HEPH: variants seen among roughly 807,000 people sequenced by gnomAD.
The protein encoded by HEPH is hephaestin.
Under a neutral mutation model 80.8 loss-of-function variants are expected in HEPH, and 69 were observed. The ratio of observed to expected loss-of-function variants is 0.85; its 90% CI spans 0.70 to 1.04. HEPH has a LOEUF of 1.04. HEPH is among the 50% of genes least tolerant of loss of function. The pLI is 0.00. For synonymous variants in HEPH, 431 were observed against 322.8 expected (o/e 1.34, Z -3.60); for missense variants, 1,115 against 891.3 (o/e 1.25, Z -3.20).
intron 15 of HEPH, among the ~76,000 whole-genome samples, chrX:66,233,552 GC>G (rs2090240939): frequency 1.8e-5 from 2 of 110,805 alleles, no homozygotes. Flanking sequence ...ATTTTCTTTT[GC>G]CCAATGTTAA....
rs1283958484 is a variant in HEPH, at chrX:66,170,551, T to A, written c.-13-7T>A. On this transcript the variant is annotated splice_polypyrimidine_tract_variant and splice_region_variant and intron_variant, in intron 1 of 20. Transcript: ENST00000343002. ...ACACCAGCAGTTTTTATTTGCCTGTTTCCCAGAGTAATGTGGGCCATGGAG... is the reference window on the plus strand; with the variant it reads ...ACACCAGCAGTTTTTATTTGCCTGTATCCCAGAGTAATGTGGGCCATGGAG... 3.3e-6 allele frequency: 4 copies of A among 1,202,627 alleles called. No individual in the cohort carries two copies. The highest frequency in any genetic ancestry group is 4.5e-6 in the Non-Finnish European group (4 of 889,445).
chrX:66,255,567 C>T (rs1202105830), intron 16 of HEPH, among the ~76,000 whole-genome samples: 2 of 111,799 alleles, frequency 1.8e-5, no homozygotes, highest in Non-Finnish European at 3.8e-5. Flanking sequence ...ATCTAGCCAT[C>T]CATCTACAGC....
At chrX:66,248,795 T>C (rs1232443429) in intron 15 of HEPH, among the ~76,000 whole-genome samples, 1 of 112,196 alleles carries the variant, frequency 8.9e-6, no homozygotes, top group African/African-American at 3.2e-5. Context: ...GTGTTTCAAT[T>C]GACAGTAATC....
At chrX:66,179,005 C>T (rs778156281) in intron 4 of HEPH, among the ~76,000 whole-genome samples, 6 of 111,837 alleles carry the variant, frequency 5.4e-5, no homozygotes, top group African/African-American at 1.9e-4. Context: ...GTGTTTTAGA[C>T]ATGAAGTCCT....
intron 13 of HEPH, 83 bp from the exon 14 acceptor site, chrX:66,207,112 C>A: frequency 2.5e-6 from 2 of 800,321 alleles, no homozygotes; most frequent in African/African-American, 2.3e-5. Context: ...GAAGCTGGTT[C>A]TGACTTAGCT....
chrX:66,188,289 G>A, intron 4 of HEPH, 70 bp from the exon 5 acceptor site: 1 of 799,390 alleles, frequency 1.3e-6, no homozygotes, highest in Non-Finnish European at 1.8e-6. Context: ...CCTTTCTTAT[G>A]AGTACCCCTT....
intron 15 of HEPH, among the ~76,000 whole-genome samples, chrX:66,217,664 A>T (rs1269426484): frequency 1.8e-5 from 2 of 111,880 alleles, no homozygotes; most frequent in Non-Finnish European, 1.9e-5. Flanking sequence ...CAGCACAATG[A>T]ATAGAACAAT....
chrX:66,268,705 C>T (rs1220366013), downstream of HEPH: 2 of 111,362 alleles, frequency 1.8e-5, no homozygotes, highest in Non-Finnish European at 3.8e-5. Flanking sequence ...TAATCCTGCT[C>T]CAGGTCAAGG....
At chrX:66,225,841 G>A (rs1437964856) in intron 15 of HEPH, among the ~76,000 whole-genome samples, 2 of 112,654 alleles carry the variant, frequency 1.8e-5, no homozygotes, top group African/African-American at 6.4e-5. Flanking sequence ...ACCAAGAAAT[G>A]TAGCAGGAAA....
chrX:66,220,363 A>G (rs2089591395), intron 15 of HEPH, among the ~76,000 whole-genome samples: 1 of 111,449 alleles, frequency 9.0e-6, no homozygotes, highest in African/African-American at 3.3e-5. Flanking sequence ...TCAAACCACG[A>G]TATTTACTCA....
chrX:66,256,799 G>C lies in HEPH; in HGVS notation c.2896+469G>C, dbSNP rs185549884. On this transcript the variant is annotated intron_variant, in intron 17 of 20. Coordinates refer to ENST00000343002, the MANE Select transcript of HEPH (RefSeq NM_001367233.3). ...CTTGTATTTTAGTCTCTTTTTAAAA[G>C]AGTTTCAATTTATAGATGGAAGAAT... Among the ~76,000 whole-genome samples the C allele has an allele frequency of 5.4e-3, 606 of 112,098 alleles. 5 individuals are homozygous for C. The highest frequency in any genetic ancestry group is 0.019 in the African/African-American group (579 of 30,920).
At chrX:66,214,598 C>T (rs961308096) in intron 15 of HEPH, among the ~76,000 whole-genome samples, 4 of 111,590 alleles carry the variant, frequency 3.6e-5, no homozygotes. Flanking sequence ...AGACGTTCTG[C>T]TGCATTATCT....
At chrX:66,265,839 G>A (rs995333662) in intron 20 of HEPH, among the ~76,000 whole-genome samples, 1 of 111,715 alleles carries the variant, frequency 9.0e-6, no homozygotes, top group South Asian at 3.8e-4. Context: ...GAGTTGGAAT[G>A]TCTGGTTTAA....
At chrX:66,215,107 A>T (rs1343273161) in intron 15 of HEPH, among the ~76,000 whole-genome samples, 2 of 111,832 alleles carry the variant, frequency 1.8e-5, no homozygotes, top group Non-Finnish European at 3.8e-5. Flanking sequence ...CCATTTATTC[A>T]GATGGTCTTC....
chrX:66,230,405 G>T (rs1602436754), intron 15 of HEPH, among the ~76,000 whole-genome samples: 1 of 106,072 alleles, frequency 9.4e-6, no homozygotes, highest in South Asian at 4.1e-4. Context: ...GTGTAAGAGT[G>T]TTCCTATTTC....
chrX:66,202,938 T>TATATATAC (rs1419712201), intron 12 of HEPH, among the ~76,000 whole-genome samples: 1 of 96,791 alleles, frequency 1.0e-5, no homozygotes, highest in African/African-American at 3.9e-5. Flanking sequence ...TATATATATA[T>TATATATAC]ACACACACAC....
upstream of HEPH, chrX:66,164,206 T>C (rs1436292239): frequency 1.3e-6 from 1 of 751,824 alleles, no homozygotes; most frequent in African/African-American, 2.3e-5. Context: ...TAAAGAACCA[T>C]CCCGGGTTTT....
At chrX:66,163,371 T>C (rs139332096), upstream of HEPH, among the ~76,000 whole-genome samples, 552 of 111,527 alleles carry the variant, frequency 4.9e-3, 2 homozygotes, top group African/African-American at 0.016. Flanking sequence ...ATTTTGTTTT[T>C]TTTTTCTTTT....
At chrX:66,164,054 C>A (rs1239622315), upstream of HEPH, among the ~76,000 whole-genome samples, 1 of 111,796 alleles carries the variant, frequency 8.9e-6, no homozygotes, top group African/African-American at 3.3e-5. Context: ...GAAATCTACC[C>A]ATGAGCTTTG....
Sources: allele counts gnomAD v4.1 joint callset (sites outside exome capture counted in the v4.1 genomes callset), GRCh38; gene constraint gnomAD v4.1.1; transcripts MANE v1.5; gene names NCBI Gene and HGNC (gene_info 2026-07-23, HGNC 2026-07-21).